COL20A1: variants seen among roughly 807,000 people sequenced by gnomAD.
COL20A1 encodes collagen type XX alpha 1 chain.
In COL20A1, 164 loss-of-function variants were observed where a neutral mutation model predicts 152.9. That is an observed-to-expected ratio of 1.07 (90% CI 0.94 to 1.22). The LOEUF (loss-of-function observed/expected upper bound fraction) is 1.22, where lower values mean the gene tolerates loss of function less well. COL20A1 is among the 50% of genes most tolerant of loss of function. COL20A1 has a pLI of 0.00. For missense variants in COL20A1, 1,873 were observed against 1,744.8 expected, an observed-to-expected ratio of 1.07 and a Z score of -1.31; for synonymous variants, 864 against 756.0, an observed-to-expected ratio of 1.14 and a Z score of -2.34.
In COL20A1 at chr20:63,316,541, C is replaced by A; in HGVS notation, c.2525-12C>A. ...GGTCCCTCGGTGCCCCTTCCCCCAC[C>A]ATCTTCCCCAGGGTTTGACCTGATG... is the stretch of plus-strand genomic sequence containing the variant. On this transcript the variant is annotated splice_polypyrimidine_tract_variant and intron_variant, in intron 20 of 35. Transcript: ENST00000358894. The A allele has an allele frequency of 6.3e-7, 1 of 1,584,452 alleles. No homozygotes were observed. Among genetic ancestry groups the A allele is most frequent in the East Asian group, 2.3e-5 (1 of 43,432 alleles).
chr20:63,312,291 A>G, intron 14 of COL20A1, 129 bp from the exon 15 acceptor site: 1 of 1,222,568 alleles, frequency 8.2e-7, no homozygotes, highest in Non-Finnish European at 1.1e-6. Flanking sequence ...CCTCAGGACA[A>G]GCCCATTTTC....
chr20:63,322,009 A>G (rs752890159), intron 26 of COL20A1, 49 bp from the exon 27 acceptor site: 3 of 1,457,238 alleles, frequency 2.1e-6, no homozygotes, highest in African/African-American at 1.5e-5. Flanking sequence ...TTGCTCCTCT[A>G]CCTTGGTTGG....
chr20:63,307,444 C>A (rs755249952), intron 5 of COL20A1, 46 bp from the exon 6 acceptor site: 3 of 1,572,304 alleles, frequency 1.9e-6, no homozygotes, highest in African/African-American at 1.3e-5. Context: ...GGCCTTGGAC[C>A]AGGGATGGGC....
rs1215700969 is a variant in COL20A1 at position 63,329,786 on chromosome 20, GC to G, written c.*3+126del. The G allele has an allele frequency of 1.6e-5, 11 of 668,900 alleles. No homozygotes were observed. The East Asian group carries it at 2.8e-4, about 17-fold the overall frequency. 41.4% of individuals were successfully genotyped at this position (668,900 alleles called of 1,614,324 possible). On this transcript the variant is annotated intron_variant, in intron 35 of 35. Coordinates refer to ENST00000358894, the MANE Select transcript of COL20A1 (RefSeq NM_020882.4). ...TGGGGTGCTGGGAGCACAAGGCCCA[GC>G]AGAGGCAGGCGAGGTGGCCCTGGGG...
chr20:63,300,322 G>A (rs1283349130), intron 3 of COL20A1, among the ~76,000 whole-genome samples: 1 of 151,860 alleles, frequency 6.6e-6, no homozygotes, highest in East Asian at 1.9e-4. Flanking sequence ...GAATTCACTG[G>A]TACTGACTTC....
chr20:63,323,376 T>C (rs897337674), intron 27 of COL20A1, among the ~76,000 whole-genome samples: 1 of 152,252 alleles, frequency 6.6e-6, no homozygotes, highest in Non-Finnish European at 1.5e-5. Flanking sequence ...ATGTTACTGC[T>C]CTGTTCTATG....
chr20:63,327,596 G>A lies in COL20A1; in HGVS notation c.3529-356G>A, dbSNP rs574648995. On this transcript the variant is annotated intron_variant, in intron 31 of 35. Transcript: ENST00000358894. ...AGAAGACAGAAGACGGCAGGGAAGTGCCAGCACAGGCCTGACCCGGGCCCG... is the reference window on the plus strand; with the variant it reads ...AGAAGACAGAAGACGGCAGGGAAGTACCAGCACAGGCCTGACCCGGGCCCG... 315 of 281,724 alleles carry A rather than the reference G, an allele frequency of 1.1e-3. 5 individuals are homozygous for A. In the South Asian group the frequency reaches 0.016, roughly 14 times the overall value. 17.5% of individuals were successfully genotyped at this position (281,724 alleles called of 1,614,324 possible).
Position 63,311,685 on chromosome 20 carries a change from G to T in COL20A1, c.1600G>T (p.Val534Phe), listed in dbSNP as rs1341410322. 2.9e-5 allele frequency: 46 copies of T among 1,607,798 alleles called. No individual in the cohort carries two copies. Among genetic ancestry groups the T allele is most frequent in the Non-Finnish European group, 3.9e-5 (46 of 1,179,284 alleles). The part of the protein sequence containing the change: ...DGLEPGRDYE[V>F]SVQSLRGPEG... ...CCTGGAACCTGGCAGGGACTATGAGGTCTCGGTGCAGAGCCTGCGAGGCCC... is the reference window on the plus strand; with the variant it reads ...CCTGGAACCTGGCAGGGACTATGAGTTCTCGGTGCAGAGCCTGCGAGGCCC... Residue 534 changes from valine to phenylalanine, a missense_variant, in exon 13 of 36, where the codon GTC becomes TTC. Val to Phe is a conservative substitution (Grantham distance 50). Coordinates refer to ENST00000358894, the MANE Select transcript of COL20A1 (RefSeq NM_020882.4). This position sits in a 1 kb window ranked among gnomAD's most constrained non-coding sequence, Gnocchi z 4.4.
intron 3 of COL20A1, among the ~76,000 whole-genome samples, chr20:63,303,457 G>A (rs1469611120): frequency 6.6e-6 from 1 of 152,186 alleles, no homozygotes; most frequent in African/African-American, 2.4e-5. Context: ...ACAGACCTGG[G>A]CTTCTATCCC....
chr20:63,314,551 T>C (rs2068059307), intron 19 of COL20A1, among the ~76,000 whole-genome samples: 1 of 152,186 alleles, frequency 6.6e-6, no homozygotes, highest in African/African-American at 2.4e-5. Context: ...AGCTTCCCTC[T>C]GGGCTTCCCA....
In COL20A1 at chr20:63,319,288, C is replaced by T. The variant is rs1299322673; in HGVS notation, c.2806+88C>T. 7.1e-7 allele frequency: 1 copy of T among 1,412,428 alleles called. No homozygotes were observed. Among genetic ancestry groups the T allele is most frequent in the Admixed American group, 2.1e-5 (1 of 46,700 alleles). The allele number at this position is 1,412,428 out of a possible 1,614,324, so 87.5% of individuals were successfully genotyped here. Reference sequence around the variant, plus strand: ...CCCTGGGAGGCCTTCAGAGGAAGTCCAGCCTCCAGGCCAGGCCCTCAGCAC... The same window carrying T: ...CCCTGGGAGGCCTTCAGAGGAAGTCTAGCCTCCAGGCCAGGCCCTCAGCAC... On this transcript the variant is annotated intron_variant, in intron 22 of 35. Coordinates refer to ENST00000358894, the MANE Select transcript of COL20A1 (RefSeq NM_020882.4). This position sits in a 1 kb window ranked among gnomAD's most constrained non-coding sequence, Gnocchi z 4.4.
intron 3 of COL20A1, among the ~76,000 whole-genome samples, chr20:63,302,613 G>T (rs758967035): frequency 6.6e-6 from 1 of 152,130 alleles, no homozygotes; most frequent in East Asian, 1.9e-4. Context: ...GAGTCACCGC[G>T]CCTGGTCTTG....
chr20:63,309,659 G>A (rs1188937686), intron 9 of COL20A1, 99 bp from the exon 10 acceptor site: 4 of 1,298,806 alleles, frequency 3.1e-6, no homozygotes, highest in South Asian at 1.5e-5. Context: ...GGGCTGGGGA[G>A]CAGCTTTCCT....
intron 27 of COL20A1, among the ~76,000 whole-genome samples, chr20:63,323,048 G>T (rs948599142): frequency 2.6e-5 from 4 of 152,266 alleles, no homozygotes; most frequent in African/African-American, 4.8e-5. Flanking sequence ...CCCCCGCGAC[G>T]AGCCAGCGGT....
In COL20A1 at chr20:63,334,119, C is replaced by G. The variant is rs1253555063; in HGVS notation, c.*3403C>G. On this transcript the variant is annotated 3_prime_UTR_variant, in exon 36 of 36. Transcript: ENST00000358894. The stretch of plus-strand genomic sequence containing the variant: ...CTCTCATGTGTGGAATATCCACACA[C>G]TAACCATGAACTGGGCCATAAGAAA... 5 of 152,222 alleles carry G rather than the reference C, an allele frequency of 3.3e-5. No individual in the cohort carries two copies. Among genetic ancestry groups the G allele is most frequent in the African/African-American group, 1.2e-4 (5 of 41,454 alleles). 9.4% of individuals were successfully genotyped at this position (152,222 alleles called of 1,614,324 possible). A position where few individuals can be genotyped will look rare whatever the true frequency, so the allele number is the denominator to read the frequency against.
rs756932170 is a variant in COL20A1, at chr20:63,312,446, G to C, written c.1830G>C (p.Ser610=). ...CAGAGGCTCCTGGGAACGCCACCTC[G>C]GCCACGCTGGGGCCTCTCTCTTCCT... ...GQTEAPGNAT[S]ATLGPLSSST... The change falls in exon 15 of 36, where the codon TCG becomes TCC. Residue 610 remains serine, a synonymous_variant. Transcript: ENST00000358894. 5 of 1,602,880 alleles carry C rather than the reference G, an allele frequency of 3.1e-6. No individual in the cohort carries two copies. The highest frequency in any genetic ancestry group is 2.2e-5 in the East Asian group (1 of 44,628).
chr20:63,319,195 T>G lies in COL20A1; in HGVS notation c.2801T>G (p.Leu934Arg). The G allele has an allele frequency of 6.2e-7, 1 of 1,611,976 alleles. No homozygotes were observed. Among genetic ancestry groups the G allele is most frequent in the South Asian group, 1.1e-5 (1 of 90,958 alleles). Reference sequence around the variant, plus strand: ...TTCCAGCCCCTCCTTGGGGTTCTGCTGGATGGTGACGTGGGCCCCGCGTCG... The same window carrying G: ...TTCCAGCCCCTCCTTGGGGTTCTGCGGGATGGTGACGTGGGCCCCGCGTCG... ...EDFQPLLGVL[L>R]DAGKKSLTYF... is the part of the protein sequence containing the mutation. Residue 934 changes from leucine (L) to arginine (R), a missense_variant, in exon 22 of 36, where the codon CTG becomes CGG. Physicochemically the swap from Leu to Arg is moderately radical, Grantham distance 102. Coordinates refer to ENST00000358894, the MANE Select transcript of COL20A1 (RefSeq NM_020882.4). This position sits in a 1 kb window ranked among gnomAD's most constrained non-coding sequence, Gnocchi z 4.4.
chr20:63,297,863 G>T (rs749704299), intron 2 of COL20A1, 47 bp from the exon 3 acceptor site: 1 of 1,449,540 alleles, frequency 6.9e-7, no homozygotes, highest in South Asian at 1.2e-5. Flanking sequence ...TGATTAGGTG[G>T]ATGGGGAGGC....
chr20:63,331,940 C>A lies in COL20A1; in HGVS notation c.*1224C>A, dbSNP rs6122425. On this transcript the variant is annotated 3_prime_UTR_variant, in exon 36 of 36. Transcript: ENST00000358894. ...ACACTTCATCTATGATTCAACTGTTCCAGGAACTGACCAGACCTGGAGACC... is the reference window on the plus strand; with the variant it reads ...ACACTTCATCTATGATTCAACTGTTACAGGAACTGACCAGACCTGGAGACC... 0.23 allele frequency: 35,591 copies of A among 152,082 alleles called. 4,440 individuals are homozygous for A. The highest frequency in any genetic ancestry group is 0.39 in the East Asian group (2,034 of 5,162). The allele number at this position is 152,082 out of a possible 1,614,324, so 9.4% of individuals were successfully genotyped here. A position where few individuals can be genotyped will look rare whatever the true frequency, so the allele number is the denominator to read the frequency against.
Sources: gnomAD v4.1 joint callset for allele counts (sites outside exome capture counted in the v4.1 genomes callset) on GRCh38, gnomAD v4.1.1 for gene constraint, Gnocchi (gnomAD v3.1) non-coding constraint, MANE v1.5 for transcripts, NCBI Gene and HGNC (gene_info 2026-07-23, HGNC 2026-07-21) for gene names.